The following STK32B variants were observed in gnomAD, a reference collection of about 807,000 sequenced individuals.
STK32B encodes serine/threonine-protein kinase 32B.
In STK32B, 43 loss-of-function variants were observed where a neutral mutation model predicts 52.6. The observed-to-expected ratio is 0.82, with a 90% confidence interval of 0.64 to 1.05. The LOEUF (loss-of-function observed/expected upper bound fraction) is 1.05, where lower values mean the gene tolerates loss of function less well. Ranked by LOEUF, STK32B falls within the 50% of genes least tolerant of loss-of-function variation. The pLI, the probability that STK32B is intolerant of heterozygous loss-of-function variation, is 0.00. For missense variants in STK32B, 621 were observed against 534.6 expected (o/e 1.16, Z -1.59); for synonymous variants, 238 against 204.3 (o/e 1.17, Z -1.41).
intron 2 of STK32B, among the ~76,000 whole-genome samples, chr4:5,163,768 TCA>T (rs1718643650): frequency 6.6e-6 from 1 of 152,166 alleles, no homozygotes; most frequent in Non-Finnish European, 1.5e-5. Flanking sequence ...TTGGAAGCTA[TCA>T]GTAAATTCTC....
intron 3 of STK32B, among the ~76,000 whole-genome samples, chr4:5,239,304 T>G (rs967102637): frequency 4.6e-5 from 7 of 151,938 alleles, no homozygotes; most frequent in African/African-American, 1.7e-4. Flanking sequence ...AATGCATGGG[T>G]GGGAGTGAGG....
intron 8 of STK32B, among the ~76,000 whole-genome samples, chr4:5,457,220 T>TC (rs1332758966): frequency 1.3e-5 from 2 of 148,218 alleles, no homozygotes; most frequent in East Asian, 2.0e-4. Flanking sequence ...TTCTTTTTTT[T>TC]TTTTTTTTTT....
Position 5,168,423 on chromosome 4 carries a change from T to G in STK32B, c.233T>G (p.Leu78Arg), listed in dbSNP as rs112499642. 6.2e-7 allele frequency: 1 copy of G among 1,613,802 alleles called. No homozygotes were observed. The change falls in exon 3 of 12, where the codon CTG becomes CGG. Residue 78 changes from leucine (L) to arginine (R), a missense_variant. Coordinates refer to ENST00000282908, the MANE Select transcript of STK32B (RefSeq NM_018401.3). ...VFRELQIMQG[L>R]EHPFLVNLWY... ...CGGGAGCTGCAGATCATGCAAGGGCTGGAGCACCCCTTCCTGGTCAATCTG... is the reference window on the plus strand; with the variant it reads ...CGGGAGCTGCAGATCATGCAAGGGCGGGAGCACCCCTTCCTGGTCAATCTG...
chr4:5,430,882 G>T (rs992356584), intron 6 of STK32B, among the ~76,000 whole-genome samples: 3 of 152,164 alleles, frequency 2.0e-5, no homozygotes, highest in African/African-American at 7.2e-5. Context: ...GTGAATCTGT[G>T]CCTTAAATAG....
At chr4:5,347,833 T>C (rs1733567244) in intron 4 of STK32B, among the ~76,000 whole-genome samples, 1 of 152,168 alleles carries the variant, frequency 6.6e-6, no homozygotes, top group South Asian at 2.1e-4. Context: ...GCCTTGCTTC[T>C]CCTCACCTTC....
In STK32B at chr4:5,460,187, G is replaced by A. The variant is rs144030427; in HGVS notation, c.868G>A (p.Ala290Thr). 54 of 1,614,062 alleles carry A rather than the reference G, an allele frequency of 3.3e-5. No homozygotes were observed. The East Asian group carries it at 4.5e-4, about 13-fold the overall frequency. The change falls in exon 9 of 12, where the codon GCG (alanine) becomes ACG (threonine). Residue 290 changes from alanine to threonine, a missense_variant. Physicochemically the swap from Ala to Thr is moderately conservative, Grantham distance 58 (BLOSUM62 0). Coordinates refer to ENST00000282908, the MANE Select transcript of STK32B (RefSeq NM_018401.3). This position sits in a 1 kb window ranked among gnomAD's most constrained non-coding sequence, Gnocchi z 4.8. ...CTACTTGGCCGACATGAACTGGGAC[G>A]CGGTGTTCAAGAAGGCACTGATGCC... is the stretch of plus-strand genomic sequence containing the variant. ...VPYLADMNWD[A>T]VFKKALMPGF... is the part of the protein sequence containing the mutation.
At chr4:5,202,872 G>A (rs1722267954) in intron 3 of STK32B, among the ~76,000 whole-genome samples, 1 of 152,190 alleles carries the variant, frequency 6.6e-6, no homozygotes, top group African/African-American at 2.4e-5. Flanking sequence ...TGGGCATGGT[G>A]CCACATAAAC....
At chr4:5,290,431 C>T (rs78500132) in intron 3 of STK32B, among the ~76,000 whole-genome samples, 1 of 151,870 alleles carries the variant, frequency 6.6e-6, no homozygotes, top group African/African-American at 2.4e-5. Context: ...TTGTTAAATA[C>T]TAAGACACAA....
chr4:5,143,661 A>G (rs1225168731), intron 2 of STK32B, among the ~76,000 whole-genome samples: 1 of 151,972 alleles, frequency 6.6e-6, no homozygotes, highest in African/African-American at 2.4e-5. Flanking sequence ...CTGTCTTTCC[A>G]CAGGCCCTTG....
intron 4 of STK32B, among the ~76,000 whole-genome samples, chr4:5,360,914 C>T (rs1734504832): frequency 6.6e-6 from 1 of 152,224 alleles, no homozygotes; most frequent in Non-Finnish European, 1.5e-5. Flanking sequence ...ATTGTCAATG[C>T]TGTGCAACCA....
chr4:5,459,085 T>C (rs1320167858), intron 8 of STK32B, among the ~76,000 whole-genome samples: 1 of 152,186 alleles, frequency 6.6e-6, no homozygotes, highest in Admixed American at 6.5e-5. Context: ...TGGAACCTGC[T>C]TAAGTTGGCA....
chr4:5,351,210 G>C (rs1296363454), intron 4 of STK32B, among the ~76,000 whole-genome samples: 1 of 152,062 alleles, frequency 6.6e-6, no homozygotes, highest in Non-Finnish European at 1.5e-5. Flanking sequence ...CTCCAGGCTA[G>C]ACCATATGTT....
rs1165717521 is a variant in STK32B at position 5,467,861 on chromosome 4, A to T, written c.1042-145A>T. The stretch of plus-strand genomic sequence containing the variant: ...CACAGCCACCCATGCAGTCAGGGTC[A>T]GCCCCAGACACTTAGCTTGGCTTGT... On this transcript the variant is annotated intron_variant, in intron 10 of 11. Coordinates refer to ENST00000282908, the MANE Select transcript of STK32B (RefSeq NM_018401.3). This position sits in a 1 kb window ranked among gnomAD's most constrained non-coding sequence, Gnocchi z 5.8. The T allele has an allele frequency of 1.6e-5, 13 of 825,478 alleles. No homozygotes were observed. The highest frequency in any genetic ancestry group is 2.6e-5 in the Non-Finnish European group (13 of 501,272). The allele number at this position is 825,478 out of a possible 1,614,324, so 51.1% of individuals were successfully genotyped here.
chr4:5,345,138 A>G (rs1010647806), intron 4 of STK32B, among the ~76,000 whole-genome samples: 1 of 152,032 alleles, frequency 6.6e-6, no homozygotes, highest in African/African-American at 2.4e-5. Context: ...TATACAATTT[A>G]TCATTTTTAT....
intron 4 of STK32B, among the ~76,000 whole-genome samples, chr4:5,363,004 A>T (rs112264034): frequency 4.5e-4 from 69 of 152,328 alleles, no homozygotes; most frequent in African/African-American, 9.1e-4. Flanking sequence ...CAGGAAACAC[A>T]TTGGAGATCT....
intron 1 of STK32B, among the ~76,000 whole-genome samples, chr4:5,132,432 A>C (rs1276785722): frequency 6.6e-6 from 1 of 152,180 alleles, no homozygotes; most frequent in African/African-American, 2.4e-5. Flanking sequence ...ATGCCCTGTG[A>C]CATGCAGTTT....
intron 1 of STK32B, among the ~76,000 whole-genome samples, chr4:5,085,441 C>G (rs535926201): frequency 6.6e-6 from 1 of 152,316 alleles, no homozygotes; most frequent in East Asian, 1.9e-4. Flanking sequence ...GTTAATGTCA[C>G]AAACATTTCA....
chr4:5,196,185 T>A (rs1432082800), intron 3 of STK32B, among the ~76,000 whole-genome samples: 4 of 152,134 alleles, frequency 2.6e-5, no homozygotes, highest in Non-Finnish European at 5.9e-5. Flanking sequence ...CACAGGCACC[T>A]GGGATCGTCT....
chr4:5,267,358 C>G (rs373879660), intron 3 of STK32B, among the ~76,000 whole-genome samples: 10 of 152,270 alleles, frequency 6.6e-5, no homozygotes, highest in African/African-American at 2.4e-4. Flanking sequence ...GACCTTGATG[C>G]TTTTACCTGC....
Sources: gnomAD v4.1 joint callset for allele counts (sites outside exome capture counted in the v4.1 genomes callset) on GRCh38, gnomAD v4.1.1 for gene constraint, Gnocchi (gnomAD v3.1) non-coding constraint, MANE v1.5 for transcripts, NCBI Gene and HGNC (gene_info 2026-07-23, HGNC 2026-07-21) for gene names.